The following NTHL1 variants were observed in gnomAD, a reference collection of about 807,000 sequenced individuals.
NTHL1 encodes the protein endonuclease III-like protein 1.
Under a neutral mutation model 32.3 loss-of-function variants are expected in NTHL1, and 32 were observed. The ratio of observed to expected loss-of-function variants is 0.99; its 90% CI spans 0.75 to 1.33. The LOEUF (loss-of-function observed/expected upper bound fraction) is 1.33. NTHL1 is among the 40% of genes most tolerant of loss of function. The pLI is 0.00. For missense variants in NTHL1, 501 were observed against 414.1 expected (o/e 1.21, Z -1.82); for synonymous variants, 188 against 176.9 (o/e 1.06, Z -0.50).
In NTHL1 at chr16:2,044,807, G is replaced by A. The variant is rs769348183; in HGVS notation, c.355-7C>T. ...GCACCTGGTACCTGCGTACCTGCTTGTGCAGTGACAGGGACCGGGGTGGCG... is the reference window on the plus strand; with the variant it reads ...GCACCTGGTACCTGCGTACCTGCTTATGCAGTGACAGGGACCGGGGTGGCG... On this transcript the variant is annotated splice_polypyrimidine_tract_variant and splice_region_variant and intron_variant, in intron 2 of 5. Transcript: ENST00000651570. This position sits in a 1 kb window ranked among gnomAD's most constrained non-coding sequence, Gnocchi z 5.0. 2.5e-6 allele frequency: 4 copies of A among 1,596,514 alleles called. No individual in the cohort carries two copies. Among genetic ancestry groups the A allele is most frequent in the South Asian group, 1.1e-5 (1 of 89,672 alleles).
At chr16:2,047,443 G>A in intron 1 of NTHL1, 1 of 569,668 alleles carries the variant, frequency 1.8e-6, no homozygotes, top group Non-Finnish European at 3.1e-6. Flanking sequence ...GAGAGTCCCG[G>A]ACAGAGTGGT....
Position 2,044,537 on chromosome 16 carries a change from C to G in NTHL1, c.525+93G>C. 6.5e-7 allele frequency: 1 copy of G among 1,539,978 alleles called. No homozygotes were observed. Among genetic ancestry groups the G allele is most frequent in the African/African-American group, 1.4e-5 (1 of 73,938 alleles). ...CCCCCCGAGCCTGAGATGCTTGACC[C>G]TCACTTCCTGCACCGTCGCCACCCC... On this transcript the variant is annotated intron_variant, in intron 3 of 5. Coordinates refer to ENST00000651570, the MANE Select transcript of NTHL1 (RefSeq NM_002528.7). The surrounding 1 kb of genome is among the most constrained non-coding windows in gnomAD (Gnocchi z 5.0).
At chr16:2,046,002 C>T in intron 2 of NTHL1, 126 bp downstream of exon 2, 3 of 746,478 alleles carry the variant, frequency 4.0e-6, no homozygotes, top group Non-Finnish European at 6.9e-6. Context: ...CTCTGGGGCA[C>T]CGGGTGTCCA....
In NTHL1 at chr16:2,043,913, G is replaced by T; in HGVS notation, c.526-187C>A. On this transcript the variant is annotated intron_variant, in intron 3 of 5. Transcript: ENST00000651570. The surrounding 1 kb of genome is among the most constrained non-coding windows in gnomAD (Gnocchi z 4.4). ...CAGCAGGGAGGCCCAAGGTAGGCCT[G>T]ACCCCCTCCTCCCACCCGTGTGGGC... 1 of 645,106 alleles carries T rather than the reference G, an allele frequency of 1.6e-6. No individual in the cohort carries two copies. Among genetic ancestry groups the T allele is most frequent in the Non-Finnish European group, 2.7e-6 (1 of 366,056 alleles). 40.0% of individuals were successfully genotyped at this position (645,106 alleles called of 1,614,324 possible).
rs745624382 is a variant in NTHL1 at position 2,039,884 on chromosome 16, CGGT to C, written c.*37_*39del. On this transcript the variant is annotated 3_prime_UTR_variant, in exon 6 of 6. Transcript: ENST00000651570. The stretch of plus-strand genomic sequence containing the variant: ...CTGAAGCGTAAAGCCACTTCACAGA[CGGT>C]GGCCACAGCGGCACCTCGGCCAGAG... The C allele has an allele frequency of 2.5e-6, 4 of 1,597,606 alleles. No individual in the cohort carries two copies. Among genetic ancestry groups the C allele is most frequent in the African/African-American group, 2.7e-5 (2 of 74,904 alleles).
Position 2,044,823 on chromosome 16 carries a change from CGGGGTGGCGGCGGGTCCT to C in NTHL1, c.355-41_355-24del, listed in dbSNP as rs1567370269. The C allele has an allele frequency of 1.3e-6, 2 of 1,571,492 alleles. No individual in the cohort carries two copies. Among genetic ancestry groups the C allele is most frequent in the Non-Finnish European group, 1.7e-6 (2 of 1,156,702 alleles). On this transcript the variant is annotated intron_variant, in intron 2 of 5. Coordinates refer to ENST00000651570, the MANE Select transcript of NTHL1 (RefSeq NM_002528.7). This position sits in a 1 kb window ranked among gnomAD's most constrained non-coding sequence, Gnocchi z 5.0. ...TACCTGCTTGTGCAGTGACAGGGAC[CGGGGTGGCGGCGGGTCCT>C]GGGTGATTCCCTGGCCAGGCTCCGC...
At chr16:2,042,066 T>C (rs1269659573) in intron 4 of NTHL1, 1 of 455,942 alleles carries the variant, frequency 2.2e-6, no homozygotes. Flanking sequence ...TCTGACATTT[T>C]AACTGAGAGC....
chr16:2,047,571 C>A, intron 1 of NTHL1, 138 bp downstream of exon 1: 2 of 1,346,378 alleles, frequency 1.5e-6, no homozygotes, highest in Non-Finnish European at 9.8e-7. Flanking sequence ...AACGCAGGGC[C>A]GCACGTGGGA....
intron 4 of NTHL1, among the ~76,000 whole-genome samples, chr16:2,042,721 A>C (rs1051774840): frequency 1.1e-4 from 16 of 152,100 alleles, no homozygotes; most frequent in African/African-American, 3.6e-4. Flanking sequence ...CTCCGGTGCT[A>C]GGAAGAGACA....
rs549938594 is a variant in NTHL1, at chr16:2,047,405, G to T, written c.115+304C>A. On this transcript the variant is annotated intron_variant, in intron 1 of 5. Coordinates refer to ENST00000651570, the MANE Select transcript of NTHL1 (RefSeq NM_002528.7). ...GACAGCAAGTTCACTGCAGGAGGGC[G>T]GGGATGGGACCCACAGAGCCTGGAG... is the stretch of plus-strand genomic sequence containing the variant. 6.3e-5 allele frequency: 29 copies of T among 457,786 alleles called. No homozygotes were observed. The East Asian group carries it at 1.2e-3, about 18-fold the overall frequency. The allele number at this position is 457,786 out of a possible 1,614,324, so 28.4% of individuals were successfully genotyped here. A position where few individuals can be genotyped will look rare whatever the true frequency, so the allele number is the denominator to read the frequency against.
At chr16:2,045,232 G>C (rs553062909) in intron 2 of NTHL1, among the ~76,000 whole-genome samples, 1 of 151,978 alleles carries the variant, frequency 6.6e-6, no homozygotes, top group Admixed American at 6.6e-5. Flanking sequence ...AGCTACTCGG[G>C]AGGCCGAGGC....
chr16:2,040,052 G>C lies in NTHL1; in HGVS notation c.792-5C>G. ...TTGATCTCGTGCCACAGCTCCCTGT[G>C]GGGGTGGGGGCTGGGTCAGTGCTGA... On this transcript the variant is annotated splice_region_variant and splice_polypyrimidine_tract_variant and intron_variant, in intron 5 of 5. Transcript: ENST00000651570. The C allele has an allele frequency of 1.2e-6, 2 of 1,612,564 alleles. No individual in the cohort carries two copies. The highest frequency in any genetic ancestry group is 1.7e-6 in the Non-Finnish European group (2 of 1,180,006).
rs2084307546 is a variant in NTHL1 at position 2,044,088 on chromosome 16, C to G, written c.526-362G>C. On this transcript the variant is annotated intron_variant, in intron 3 of 5. Transcript: ENST00000651570. The surrounding 1 kb of genome is among the most constrained non-coding windows in gnomAD (Gnocchi z 5.0). The stretch of plus-strand genomic sequence containing the variant: ...AAGGAGGGCTGGAGCTGGGGCTTCC[C>G]CACCAGCTGCCAGGCCTGCCGGGTG... The G allele has an allele frequency of 7.9e-6, 3 of 381,760 alleles. No individual in the cohort carries two copies. Among genetic ancestry groups the G allele is most frequent in the South Asian group, 7.6e-5 (3 of 39,358 alleles). 23.6% of individuals were successfully genotyped at this position (381,760 alleles called of 1,614,324 possible).
chr16:2,040,176 A>T lies in NTHL1; in HGVS notation c.748T>A (p.Ser250Thr), dbSNP rs199698117. The change falls in exon 5 of 6, where the codon TCC (serine) becomes ACC (threonine). Residue 250 changes from serine (S) to threonine (T), a missense_variant. Physicochemically the swap from Ser to Thr is moderately conservative, Grantham distance 58. Coordinates refer to ENST00000651570, the MANE Select transcript of NTHL1 (RefSeq NM_002528.7). ...RLRWTKKATK[S>T]PEETRAALEE... The stretch of plus-strand genomic sequence containing the variant: ...AGGGCGGCGCGGGTCTCCTCTGGGG[A>T]CTTGGTTGCCTTCTTGGTCCACCTC... The T allele has an allele frequency of 6.4e-5, 104 of 1,613,736 alleles. No individual in the cohort carries two copies. Among genetic ancestry groups the T allele is most frequent in the Non-Finnish European group, 8.6e-5 (101 of 1,180,012 alleles).
At chr16:2,041,283 C>T (rs191081497) in intron 4 of NTHL1, among the ~76,000 whole-genome samples, 6 of 152,346 alleles carry the variant, frequency 3.9e-5, no homozygotes, top group African/African-American at 9.6e-5. Flanking sequence ...AGTCAGGCCA[C>T]GTCACGTTGT....
In NTHL1 at chr16:2,041,443, A is replaced by G. The variant is rs80209279; in HGVS notation, c.686-1205T>C. On this transcript the variant is annotated intron_variant, in intron 4 of 5. Coordinates refer to ENST00000651570, the MANE Select transcript of NTHL1 (RefSeq NM_002528.7). ...GGAGCCAGCAATCTATGGCTGTGGC[A>G]TTTTTTTTTTTTTTTAAACGGAGTC... Among the ~76,000 whole-genome samples, 4 of 143,954 alleles carry G rather than the reference A, an allele frequency of 2.8e-5. 1 individual carries two copies. Among genetic ancestry groups the G allele is most frequent in the South Asian group, 4.4e-4 (2 of 4,502 alleles). 94.4% of individuals were successfully genotyped at this position (143,954 alleles called of 152,430 possible).
chr16:2,044,197 GC>G lies in NTHL1; in HGVS notation c.525+432del. On this transcript the variant is annotated intron_variant, in intron 3 of 5. Transcript: ENST00000651570. This position sits in a 1 kb window ranked among gnomAD's most constrained non-coding sequence, Gnocchi z 5.0. ...CCCACGCGGGTGCCAAGGGGAAGCG[GC>G]CCCACCCACCAAGCTGCTTTCAACA... is the stretch of plus-strand genomic sequence containing the variant. The G allele has an allele frequency of 3.0e-6, 1 of 329,796 alleles. No individual in the cohort carries two copies. Among genetic ancestry groups the G allele is most frequent in the South Asian group, 3.0e-5 (1 of 32,952 alleles). The allele number at this position is 329,796 out of a possible 1,614,324, so 20.4% of individuals were successfully genotyped here.
At position 2,043,669 on chromosome 16, in the gene NTHL1, C is replaced by T. The variant is rs765358651; in HGVS notation, c.583G>A (p.Asp195Asn). ...SAILQQHYGG[D>N]IPASVAELVA... ...AGCTCGGCCACAGAGGCTGGGATGT[C>T]CCCACCGTAGTGCTGCTGCAGGATG... Residue 195 changes from aspartate to asparagine, a missense_variant, in exon 4 of 6, where the codon GAC becomes AAC. Coordinates refer to ENST00000651570, the MANE Select transcript of NTHL1 (RefSeq NM_002528.7). This position sits in a 1 kb window ranked among gnomAD's most constrained non-coding sequence, Gnocchi z 4.4. The T allele has an allele frequency of 2.6e-5, 42 of 1,611,946 alleles. No homozygotes were observed. In the Middle Eastern group the frequency reaches 4.9e-4, roughly 19 times the overall value.
intron 4 of NTHL1, among the ~76,000 whole-genome samples, chr16:2,041,671 G>A (rs892314965): frequency 6.6e-6 from 1 of 150,984 alleles, no homozygotes; most frequent in Non-Finnish European, 1.5e-5. Context: ...ACACTGGCGC[G>A]ATCTCAGCTC....
Sources: allele counts gnomAD v4.1 joint callset (sites outside exome capture counted in the v4.1 genomes callset), GRCh38; gene constraint gnomAD v4.1.1; non-coding constraint Gnocchi (gnomAD v3.1); transcripts MANE v1.5; gene names NCBI Gene and HGNC (gene_info 2026-07-23, HGNC 2026-07-21).